SPATC1L: variants seen among roughly 807,000 people sequenced by gnomAD.
The protein encoded by SPATC1L is speriolin-like protein.
SPATC1L carries 20 observed loss-of-function variants against 21.2 expected under a neutral mutation model. The observed-to-expected ratio is 0.94, with a 90% confidence interval of 0.66 to 1.37. SPATC1L has a LOEUF of 1.37. Ranked by LOEUF, SPATC1L falls within the 40% of genes most tolerant of loss-of-function variation. The probability of loss-of-function intolerance (pLI) is 0.00; values close to 1 mark genes in which losing one functional copy is unlikely to be tolerated. For missense variants in SPATC1L, 499 were observed against 478.7 expected (o/e 1.04, Z -0.40); for synonymous variants, 290 against 234.5 (o/e 1.24, Z -2.16).
In SPATC1L at chr21:46,161,657, C is replaced by A; in HGVS notation, c.745G>T (p.Glu249Ter). 2 of 1,608,692 alleles carry A rather than the reference C, an allele frequency of 1.2e-6. No homozygotes were observed. The highest frequency in any genetic ancestry group is 1.7e-6 in the Non-Finnish European group (2 of 1,178,212). ...AGGGCCAGGTAGCGCTGCGTCAGCTCGCGCAGCTTCCTCTCGTCCACGGAG... is the reference window on the plus strand; with the variant it reads ...AGGGCCAGGTAGCGCTGCGTCAGCTAGCGCAGCTTCCTCTCGTCCACGGAG... The part of the protein sequence containing the change: ...DGSVDERKLR[E>*]LTQRYLALSA... The change falls in exon 5 of 5, where the codon GAG (glutamate) becomes TAG (stop). Residue 249 changes from glutamate to a stop codon, truncating the protein, a stop_gained. Transcript: ENST00000291672. LOFTEE classifies it high-confidence loss of function.
At chr21:46,182,489 T>C (rs1033520759) in intron 2 of SPATC1L, 135 bp downstream of exon 2, 2 of 795,508 alleles carry the variant, frequency 2.5e-6, no homozygotes, top group East Asian at 3.0e-5. Context: ...GGTCTTGCTT[T>C]ACTCAGACCT....
intron 2 of SPATC1L, among the ~76,000 whole-genome samples, chr21:46,171,911 T>C (rs1381119230): frequency 7.4e-6 from 1 of 135,694 alleles, no homozygotes; most frequent in Non-Finnish European, 1.5e-5. Context: ...ACAACTCTGA[T>C]GTCAAATTCC....
At position 46,168,970 on chromosome 21, in the gene SPATC1L, A is replaced by C. The variant is rs1236049100; in HGVS notation, c.194-312T>G. Among the ~76,000 whole-genome samples, 4 of 152,154 alleles carry C rather than the reference A, an allele frequency of 2.6e-5. No homozygotes were observed. The East Asian group carries it at 7.7e-4, about 29-fold the overall frequency. On this transcript the variant is annotated intron_variant, in intron 2 of 4. Transcript: ENST00000291672. ...CCACACACACTGGAGAATGACTTTT[A>C]TATGCTTAAGTTGTACATAAATGGT...
rs771211520 is a variant in SPATC1L, at chr21:46,161,899, C to T, written c.696+17G>A. On this transcript the variant is annotated intron_variant, in intron 4 of 4. Coordinates refer to ENST00000291672, the MANE Select transcript of SPATC1L (RefSeq NM_001142854.2). ...CGCCCCGCACCCTCCTGGCCGCGCC[C>T]TCCCCACGGGGCGCACCTGCTCGAT... 6.2e-7 allele frequency: 1 copy of T among 1,602,814 alleles called. No homozygotes were observed. Among genetic ancestry groups the T allele is most frequent in the Admixed American group, 1.7e-5 (1 of 59,822 alleles).
At chr21:46,170,940 G>T (rs1038956662) in intron 2 of SPATC1L, among the ~76,000 whole-genome samples, 6 of 150,514 alleles carry the variant, frequency 4.0e-5, no homozygotes, top group African/African-American at 7.4e-5. Flanking sequence ...ATCCTCTGTG[G>T]ATGGGGAGGA....
intron 2 of SPATC1L, among the ~76,000 whole-genome samples, chr21:46,179,748 A>T (rs571092314): frequency 1.3e-5 from 2 of 152,296 alleles, no homozygotes; most frequent in African/African-American, 4.8e-5. Context: ...TCTCCAGTGG[A>T]GACACGGCGA....
chr21:46,169,233 G>A (rs1439046089), intron 2 of SPATC1L, among the ~76,000 whole-genome samples: 1 of 152,204 alleles, frequency 6.6e-6, no homozygotes, highest in Non-Finnish European at 1.5e-5. Flanking sequence ...GGCCTCCCGG[G>A]AGGAGCCTTC....
chr21:46,161,238 A>G lies in SPATC1L; in HGVS notation c.*141T>C, dbSNP rs1601370711. ...CGGCGGGCTGCGGTCGGGGCCCAGCACCGGTGGGAGCGGGGCCTTCTCTGG... is the reference window on the plus strand; with the variant it reads ...CGGCGGGCTGCGGTCGGGGCCCAGCGCCGGTGGGAGCGGGGCCTTCTCTGG... On this transcript the variant is annotated 3_prime_UTR_variant, in exon 5 of 5. Coordinates refer to ENST00000291672, the MANE Select transcript of SPATC1L (RefSeq NM_001142854.2). 1.4e-6 allele frequency: 1 copy of G among 722,702 alleles called. No individual in the cohort carries two copies. Among genetic ancestry groups the G allele is most frequent in the Admixed American group, 3.8e-5 (1 of 26,040 alleles). 44.8% of individuals were successfully genotyped at this position (722,702 alleles called of 1,614,324 possible). A position where few individuals can be genotyped will look rare whatever the true frequency, so the allele number is the denominator to read the frequency against.
At chr21:46,178,282 T>C (rs1036324311) in intron 2 of SPATC1L, among the ~76,000 whole-genome samples, 4 of 142,854 alleles carry the variant, frequency 2.8e-5, no homozygotes. Context: ...ATCCTTTGCA[T>C]GAACATGGAT....
In SPATC1L at chr21:46,168,731, T is replaced by C. The variant is rs902121113; in HGVS notation, c.194-73A>G. 14 of 1,092,702 alleles carry C rather than the reference T, an allele frequency of 1.3e-5. No individual in the cohort carries two copies. The East Asian group carries it at 2.1e-4, about 16-fold the overall frequency. The allele number at this position is 1,092,702 out of a possible 1,614,324, so 67.7% of individuals were successfully genotyped here. On this transcript the variant is annotated intron_variant, in intron 2 of 4. Transcript: ENST00000291672. The stretch of plus-strand genomic sequence containing the variant: ...ACATTCCTGGGAAGTATAAAGAACA[T>C]GTTAACAACCCCTATGCACCCCACC...
rs1005108655 is a variant in SPATC1L at position 46,171,295 on chromosome 21, G to A, written c.194-2637C>T. 3.3e-5 allele frequency among the ~76,000 whole-genome samples: 5 copies of A among 152,092 alleles called. No individual in the cohort carries two copies. The East Asian group carries it at 9.6e-4, about 29-fold the overall frequency. ...TCATGTGTATTCTCCTAGCAATAAA[G>A]CAAATACATATTAGAGAAAGTGTTC... On this transcript the variant is annotated intron_variant, in intron 2 of 4. Coordinates refer to ENST00000291672, the MANE Select transcript of SPATC1L (RefSeq NM_001142854.2).
Position 46,182,821 on chromosome 21 carries a change from G to A in SPATC1L, c.-5C>T. The A allele has an allele frequency of 6.6e-7, 1 of 1,526,536 alleles. No individual in the cohort carries two copies. The highest frequency in any genetic ancestry group is 1.2e-5 in the South Asian group (1 of 81,692). The allele number at this position is 1,526,536 out of a possible 1,614,324, so 94.6% of individuals were successfully genotyped here. A position where few individuals can be genotyped will look rare whatever the true frequency, so the allele number is the denominator to read the frequency against. ...CAGCTCGCCGCCTTCAGCCATGGCGGGTGCGTCCCTCCTTGTCCCTCACGG... is the reference window on the plus strand; with the variant it reads ...CAGCTCGCCGCCTTCAGCCATGGCGAGTGCGTCCCTCCTTGTCCCTCACGG... On this transcript the variant is annotated 5_prime_UTR_variant, in exon 2 of 5. Coordinates refer to ENST00000291672, the MANE Select transcript of SPATC1L (RefSeq NM_001142854.2).
intron 1 of SPATC1L, among the ~76,000 whole-genome samples, 163 bp from the exon 2 acceptor site, chr21:46,183,937 T>A (rs79674469): frequency 3.9e-5 from 1 of 25,910 alleles, no homozygotes; most frequent in Admixed American, 3.9e-4. Context: ...ACCAGCCTTG[T>A]GGGGGAGACC....
intron 2 of SPATC1L, among the ~76,000 whole-genome samples, chr21:46,170,361 G>A (rs2079577094): frequency 7.3e-6 from 1 of 137,070 alleles, no homozygotes; most frequent in Non-Finnish European, 1.6e-5. Flanking sequence ...ATGGGGAGGA[G>A]CCTCCTGCTC....
Position 46,183,273 on chromosome 21 carries a change from A to G in SPATC1L, c.-457T>C, listed in dbSNP as rs1305778067. On this transcript the variant is annotated 5_prime_UTR_variant, in exon 2 of 5. Coordinates refer to ENST00000291672, the MANE Select transcript of SPATC1L (RefSeq NM_001142854.2). ...ACTTCCCATAGGACCTGCCCAGGACACAGGGTTCCCAGTGCAGCTTCCTGT... is the reference window on the plus strand; with the variant it reads ...ACTTCCCATAGGACCTGCCCAGGACGCAGGGTTCCCAGTGCAGCTTCCTGT... 5.7e-6 allele frequency: 1 copy of G among 175,362 alleles called. No individual in the cohort carries two copies. Among genetic ancestry groups the G allele is most frequent in the Admixed American group, 6.3e-5 (1 of 15,752 alleles). The allele number at this position is 175,362 out of a possible 1,614,324, so 10.9% of individuals were successfully genotyped here. A position where few individuals can be genotyped will look rare whatever the true frequency, so the allele number is the denominator to read the frequency against.
rs1260069446 is a variant in SPATC1L at position 46,161,327 on chromosome 21, CG to C, written c.*51del. ...GGACGCGCAGGAGGCACCGCGGCCC[CG>C]GGTTGGAACAAACGCGTTTACTGCA... On this transcript the variant is annotated 3_prime_UTR_variant, in exon 5 of 5. Transcript: ENST00000291672. The C allele has an allele frequency of 1.4e-5, 20 of 1,441,534 alleles. No homozygotes were observed. Among genetic ancestry groups the C allele is most frequent in the Admixed American group, 1.3e-4 (5 of 37,370 alleles). 89.3% of individuals were successfully genotyped at this position (1,441,534 alleles called of 1,614,324 possible). A position where few individuals can be genotyped will look rare whatever the true frequency, so the allele number is the denominator to read the frequency against.
chr21:46,168,325 C>T lies in SPATC1L; in HGVS notation c.527G>A (p.Arg176Lys), dbSNP rs758443163. ...SSLPTGDRTR[R>K]SYYLNEIQSF... is the part of the protein sequence containing the mutation. ...GGCCATACCATTGAGGTAGTAGCTC[C>T]TCCTGGTCCTGTCCCCGGTGGGCAG... is the stretch of plus-strand genomic sequence containing the variant. Residue 176 changes from arginine (R) to lysine (K), a missense_variant, in exon 3 of 5, where the codon AGG (arginine) becomes AAG (lysine). Coordinates refer to ENST00000291672, the MANE Select transcript of SPATC1L (RefSeq NM_001142854.2). 1 of 1,586,950 alleles carries T rather than the reference C, an allele frequency of 6.3e-7. No homozygotes were observed. The highest frequency in any genetic ancestry group is 1.1e-5 in the South Asian group (1 of 89,784).
At chr21:46,161,799 G>C in intron 4 of SPATC1L, 94 bp from the exon 5 acceptor site, 2 of 1,491,648 alleles carry the variant, frequency 1.3e-6, no homozygotes, top group Non-Finnish European at 1.8e-6. Context: ...GCCCGCCTGG[G>C]TCCCCGGGGT....
intron 2 of SPATC1L, among the ~76,000 whole-genome samples, chr21:46,178,418 A>G (rs1254027958): frequency 6.6e-6 from 1 of 152,142 alleles, no homozygotes; most frequent in African/African-American, 2.4e-5. Context: ...AACAACAGAC[A>G]CTGAGACCTA....
Sources: allele counts gnomAD v4.1 joint callset (sites outside exome capture counted in the v4.1 genomes callset), GRCh38; gene constraint gnomAD v4.1.1; transcripts MANE v1.5; gene names NCBI Gene and HGNC (gene_info 2026-07-23, HGNC 2026-07-21).